The following GABRB1 variants were observed in gnomAD, a reference collection of about 807,000 sequenced individuals.
The protein encoded by GABRB1 is gamma-aminobutyric acid type A receptor subunit beta1, also known as gamma-aminobutyric acid receptor subunit beta-1.
GABRB1 carries 17 observed loss-of-function variants against 51.6 expected under a neutral mutation model. The observed-to-expected ratio is 0.33, with a 90% CI of 0.23 to 0.49. The LOEUF is 0.49. GABRB1 is among the 20% of genes least tolerant of loss of function. GABRB1 has a pLI of 0.99. For synonymous variants in GABRB1, 247 were observed against 218.9 expected (o/e 1.13, Z -1.14); for missense variants, 410 against 600.6 (o/e 0.68, Z 3.32).
At chr4:47,242,045 C>G (rs1057300137) in intron 4 of GABRB1, among the ~76,000 whole-genome samples, 1 of 151,882 alleles carries the variant, frequency 6.6e-6, no homozygotes, top group Non-Finnish European at 1.5e-5. Flanking sequence ...CCTCCACCCA[C>G]CCCACGACAG....
chr4:47,353,627 T>G (rs545943023), intron 5 of GABRB1, among the ~76,000 whole-genome samples: 25 of 152,328 alleles, frequency 1.6e-4, no homozygotes, highest in African/African-American at 6.0e-4. Context: ...TCTTGAAATA[T>G]CATTGACTCT....
chr4:47,172,455 G>T (rs1242479476), intron 4 of GABRB1, among the ~76,000 whole-genome samples: 1 of 151,914 alleles, frequency 6.6e-6, no homozygotes, highest in East Asian at 1.9e-4. Flanking sequence ...AAGAAAATAG[G>T]CTTTGCCTAA....
At chr4:47,223,452 A>T (rs893453434) in intron 4 of GABRB1, among the ~76,000 whole-genome samples, 4 of 152,118 alleles carry the variant, frequency 2.6e-5, no homozygotes, top group Admixed American at 6.6e-5. Flanking sequence ...AAATGAACTG[A>T]CATTTTAAGG....
intron 4 of GABRB1, among the ~76,000 whole-genome samples, chr4:47,304,983 T>A (rs1724393088): frequency 6.6e-6 from 1 of 152,108 alleles, no homozygotes; most frequent in Non-Finnish European, 1.5e-5. Context: ...CATAGATTAA[T>A]CACTGAAGGC....
intron 5 of GABRB1, among the ~76,000 whole-genome samples, chr4:47,341,604 C>T (rs568709779): frequency 2.0e-5 from 3 of 152,244 alleles, no homozygotes; most frequent in East Asian, 1.9e-4. Flanking sequence ...CTGCCTGTTT[C>T]GTACTAAAAG....
intron 3 of GABRB1, among the ~76,000 whole-genome samples, chr4:47,059,680 G>A (rs1030517321): frequency 6.6e-6 from 1 of 152,178 alleles, no homozygotes; most frequent in African/African-American, 2.4e-5. Context: ...TGCGAAGCAG[G>A]TGTTCTGCCT....
At chr4:47,223,046 A>G (rs2109825970) in intron 4 of GABRB1, among the ~76,000 whole-genome samples, 1 of 152,214 alleles carries the variant, frequency 6.6e-6, no homozygotes, top group East Asian at 1.9e-4. Flanking sequence ...TAGTCCAGCA[A>G]AGGAGGAGCA....
chr4:47,268,902 G>A (rs761714486), intron 4 of GABRB1, among the ~76,000 whole-genome samples: 3 of 152,036 alleles, frequency 2.0e-5, no homozygotes, highest in Non-Finnish European at 2.9e-5. Flanking sequence ...CAAAAACAAA[G>A]CATTTATACA....
At chr4:47,100,571 G>C (rs979315195) in intron 3 of GABRB1, among the ~76,000 whole-genome samples, 2 of 151,866 alleles carry the variant, frequency 1.3e-5, no homozygotes, top group Non-Finnish European at 2.9e-5. Flanking sequence ...TCCTCATCTA[G>C]AATCAGTCCG....
At chr4:47,308,578 C>T (rs1356755590) in intron 4 of GABRB1, among the ~76,000 whole-genome samples, 1 of 152,088 alleles carries the variant, frequency 6.6e-6, no homozygotes, top group Non-Finnish European at 1.5e-5. Context: ...AATACCACTT[C>T]AAGATGACTG....
At chr4:47,348,034 T>A (rs1204405399) in intron 5 of GABRB1, among the ~76,000 whole-genome samples, 1 of 152,146 alleles carries the variant, frequency 6.6e-6, no homozygotes, top group Non-Finnish European at 1.5e-5. Context: ...TCCAACAGAA[T>A]GCCTCCTCCT....
At chr4:47,373,544 G>T (rs1269548021) in intron 5 of GABRB1, among the ~76,000 whole-genome samples, 1 of 152,192 alleles carries the variant, frequency 6.6e-6, no homozygotes. Flanking sequence ...CCAGACTGGG[G>T]TTCAAGATCC....
Position 47,252,507 on chromosome 4 carries a change from C to CTTTTTTTTT in GABRB1, c.462-67610_462-67602dup, listed in dbSNP as rs34442754. 1.7e-5 allele frequency among the ~76,000 whole-genome samples: 2 copies of CTTTTTTTTT among 116,332 alleles called. 1 individual carries two copies. The allele number at this position is 116,332 out of a possible 152,430, so 76.3% of individuals were successfully genotyped here. A position where few individuals can be genotyped will look rare whatever the true frequency, so the allele number is the denominator to read the frequency against. On this transcript the variant is annotated intron_variant, in intron 4 of 8. Coordinates refer to ENST00000295454, the MANE Select transcript of GABRB1 (RefSeq NM_000812.4). Reference sequence around the variant, plus strand: ...CTAAGAAACCATTAATAGCAATTGCCTTTTTTTTTTTTTTTTTTGAGATGG... The same window carrying CTTTTTTTTT: ...CTAAGAAACCATTAATAGCAATTGCCTTTTTTTTTTTTTTTTTTTTTTTTTTTGAGATGG...
chr4:47,294,898 T>G (rs1404583386), intron 4 of GABRB1, among the ~76,000 whole-genome samples: 1 of 152,142 alleles, frequency 6.6e-6, no homozygotes, highest in Non-Finnish European at 1.5e-5. Context: ...CGGGTACTCC[T>G]CTGAGACAAA....
At position 47,296,782 on chromosome 4, in the gene GABRB1, C is replaced by T. The variant is rs1295613421; in HGVS notation, c.462-23345C>T. On this transcript the variant is annotated intron_variant, in intron 4 of 8. Transcript: ENST00000295454. The stretch of plus-strand genomic sequence containing the variant: ...ACCTAATAGACATCTACAAAATTCT[C>T]CACCCCAAATCAACAGAATATACAT... 2.0e-5 allele frequency among the ~76,000 whole-genome samples: 3 copies of T among 152,204 alleles called. No individual in the cohort carries two copies. In the East Asian group the frequency reaches 5.8e-4, roughly 29 times the overall value.
intron 4 of GABRB1, among the ~76,000 whole-genome samples, chr4:47,213,312 G>C (rs1578005940): frequency 1.3e-5 from 2 of 152,268 alleles, no homozygotes; most frequent in Non-Finnish European, 2.9e-5. Flanking sequence ...CACAAAGCAT[G>C]AGTTAAATGC....
intron 4 of GABRB1, among the ~76,000 whole-genome samples, chr4:47,283,380 T>C (rs1723370422): frequency 1.1e-5 from 1 of 88,858 alleles, no homozygotes; most frequent in African/African-American, 5.0e-5. Flanking sequence ...TTTTTTTTTT[T>C]TTTTTTTTTT....
intron 5 of GABRB1, among the ~76,000 whole-genome samples, chr4:47,379,604 A>G (rs1429616534): frequency 6.6e-6 from 1 of 152,084 alleles, no homozygotes; most frequent in Non-Finnish European, 1.5e-5. Context: ...TAAATTGAAA[A>G]CCATCTGTGT....
rs1724162387 is a variant in GABRB1 at position 47,001,055 on chromosome 4, G to A, written c.-20+7129G>A. ...TTGAATAGCATTTTATAAGAATGGT[G>A]TGATGGTTAACTTTGTGTTAATTTG... is the stretch of plus-strand genomic sequence containing the variant. On this transcript the variant is annotated intron_variant, in intron 1 of 3. Transcript: ENST00000513567. Among the ~76,000 whole-genome samples, 3 of 152,342 alleles carry A rather than the reference G, an allele frequency of 2.0e-5. No homozygotes were observed. In the South Asian group the frequency reaches 6.2e-4, roughly 32 times the overall value.
Sources: allele counts gnomAD v4.1 joint callset (sites outside exome capture counted in the v4.1 genomes callset), GRCh38; gene constraint gnomAD v4.1.1; transcripts MANE v1.5; gene names NCBI Gene and HGNC (gene_info 2026-07-23, HGNC 2026-07-21).